Variants in BBS7 observed in about 807,000 individuals in gnomAD.
BBS7 encodes Bardet-Biedl syndrome 7.
A neutral mutation model predicts 90.3 loss-of-function variants in BBS7; 50 were observed. The ratio of observed to expected loss-of-function variants is 0.55; its 90% CI spans 0.44 to 0.70. The LOEUF (loss-of-function observed/expected upper bound fraction) is 0.70, where lower values mean the gene tolerates loss of function less well. BBS7 is among the 30% of genes least tolerant of loss of function. The pLI is 0.00. For missense variants in BBS7, 729 were observed against 838.9 expected, an observed-to-expected ratio of 0.87 and a Z score of 1.62; for synonymous variants, 235 against 287.4, an observed-to-expected ratio of 0.82 and a Z score of 1.85.
chr4:121,855,810 A>G (rs1183933789), intron 5 of BBS7, among the ~76,000 whole-genome samples: 1 of 102,920 alleles, frequency 9.7e-6, no homozygotes. Flanking sequence ...ACAGATATGT[A>G]CACACATGTA....
intron 8 of BBS7, among the ~76,000 whole-genome samples, chr4:121,849,506 A>AT (rs1726195391): frequency 6.6e-6 from 1 of 152,098 alleles, no homozygotes. Context: ...CCGCCAGTTT[A>AT]TTTTTATAAA....
At chr4:121,827,152 T>C (rs943034829) in intron 18 of BBS7, among the ~76,000 whole-genome samples, 2 of 152,254 alleles carry the variant, frequency 1.3e-5, no homozygotes, top group Non-Finnish European at 2.9e-5. Context: ...AGTGATATTA[T>C]GTACAGCCAA....
chr4:121,838,930 T>A (rs1205935415), intron 13 of BBS7, among the ~76,000 whole-genome samples: 1 of 151,360 alleles, frequency 6.6e-6, no homozygotes, highest in Non-Finnish European at 1.5e-5. Flanking sequence ...ATGACTGGAT[T>A]AAACAAGCTG....
chr4:121,869,968 C>A (rs1004510183), intron 1 of BBS7, among the ~76,000 whole-genome samples: 1 of 152,184 alleles, frequency 6.6e-6, no homozygotes, highest in African/African-American at 2.4e-5. Flanking sequence ...CAGGCAGCCA[C>A]GGCTAGGGAG....
Position 121,828,746 on chromosome 4 carries a change from T to G in BBS7, c.1677-18A>C, listed in dbSNP as rs1447884508. On this transcript the variant is annotated intron_variant, in intron 15 of 18. Coordinates refer to ENST00000264499, the MANE Select transcript of BBS7 (RefSeq NM_176824.3). ...CTCCTTTTCTATAAAATTAATATAT[T>G]TTTTAAAAGAATAGCTGTAGAAGGA... The G allele has an allele frequency of 7.2e-7, 1 of 1,394,874 alleles. No homozygotes were observed. The highest frequency in any genetic ancestry group is 2.5e-5 in the East Asian group (1 of 40,258). 86.4% of individuals were successfully genotyped at this position (1,394,874 alleles called of 1,614,324 possible). A position where few individuals can be genotyped will look rare whatever the true frequency, so the allele number is the denominator to read the frequency against.
intron 4 of BBS7, 153 bp downstream of exon 4, chr4:121,861,351 T>C (rs891017093): frequency 1.6e-5 from 11 of 705,714 alleles, no homozygotes; most frequent in Non-Finnish European, 2.3e-5. Flanking sequence ...TTAATATTGA[T>C]TGTAGGTCAA....
At chr4:121,847,569 G>A in intron 9 of BBS7, 63 bp from the exon 10 acceptor site, 6 of 1,152,792 alleles carry the variant, frequency 5.2e-6, no homozygotes, top group Non-Finnish European at 7.9e-6. Flanking sequence ...GATAAATTAT[G>A]CATTGTATAG....
At chr4:121,860,140 G>A (rs1726898435) in intron 4 of BBS7, among the ~76,000 whole-genome samples, 1 of 151,882 alleles carries the variant, frequency 6.6e-6, no homozygotes, top group Admixed American at 6.6e-5. Context: ...TCACTTTGTG[G>A]CTCTGCATAT....
At chr4:121,830,843 T>TA (rs1725145008) in intron 15 of BBS7, among the ~76,000 whole-genome samples, 1 of 152,222 alleles carries the variant, frequency 6.6e-6, no homozygotes, top group African/African-American at 2.4e-5. Flanking sequence ...CCTTGCAGGC[T>TA]ACATACAAAG....
In BBS7 at chr4:121,849,808, G is replaced by A. The variant is rs192121250; in HGVS notation, c.850-880C>T. Among the ~76,000 whole-genome samples, 105 of 152,178 alleles carry A rather than the reference G, an allele frequency of 6.9e-4. 1 individual carries two copies. The highest frequency in any genetic ancestry group is 2.4e-3 in the African/African-American group (101 of 41,520). ...TCGTCCCACTGTACTCCAGTCTGGC[G>A]ACAGAGCGAGACTGTCTAAAAAATA... On this transcript the variant is annotated intron_variant, in intron 8 of 18. Coordinates refer to ENST00000264499, the MANE Select transcript of BBS7 (RefSeq NM_176824.3).
chr4:121,860,325 G>C (rs2149086273), intron 4 of BBS7, among the ~76,000 whole-genome samples: 1 of 152,182 alleles, frequency 6.6e-6, no homozygotes, highest in East Asian at 1.9e-4. Flanking sequence ...CATTAAGCAG[G>C]AAAGGATATG....
At chr4:121,849,254 G>A (rs1342508286) in intron 8 of BBS7, among the ~76,000 whole-genome samples, 4 of 152,174 alleles carry the variant, frequency 2.6e-5, no homozygotes, top group Non-Finnish European at 5.9e-5. Context: ...AGGCTGGAGA[G>A]CAGTGGTGCA....
intron 4 of BBS7, among the ~76,000 whole-genome samples, chr4:121,860,814 T>G (rs1265666891): frequency 1.3e-5 from 2 of 152,140 alleles, no homozygotes; most frequent in African/African-American, 4.8e-5. Context: ...GTTTCTAGCC[T>G]AAGAGTCTGG....
intron 6 of BBS7, 75 bp downstream of exon 6, chr4:121,855,414 T>C: frequency 7.5e-7 from 1 of 1,331,462 alleles, no homozygotes; most frequent in Non-Finnish European, 1.1e-6. Context: ...CTAGTTTATG[T>C]CCTTTCTACA....
chr4:121,867,841 G>A (rs1018779622), intron 2 of BBS7, 140 bp downstream of exon 2: 5 of 768,964 alleles, frequency 6.5e-6, no homozygotes, highest in Non-Finnish European at 8.8e-6. Flanking sequence ...TGGTATTCCA[G>A]TTTCTGTTCA....
At chr4:121,869,441 A>G (rs1727464414) in intron 1 of BBS7, among the ~76,000 whole-genome samples, 2 of 152,218 alleles carry the variant, frequency 1.3e-5, no homozygotes, top group African/African-American at 2.4e-5. Flanking sequence ...ATCCTCATTT[A>G]TAATATTGTC....
intron 15 of BBS7, among the ~76,000 whole-genome samples, chr4:121,832,311 G>A (rs1194838701): frequency 1.3e-5 from 2 of 152,124 alleles, no homozygotes; most frequent in Non-Finnish European, 2.9e-5. Context: ...GACAGAGTGA[G>A]ATCCTGTCTC....
intron 4 of BBS7, among the ~76,000 whole-genome samples, chr4:121,859,469 G>A (rs574471460): frequency 1.3e-5 from 2 of 152,204 alleles, no homozygotes; most frequent in East Asian, 3.9e-4. Context: ...TATATCCAAA[G>A]ACAATTAATA....
chr4:121,844,015 T>C lies in BBS7; in HGVS notation c.1231-14A>G. 6.6e-7 allele frequency: 1 copy of C among 1,519,016 alleles called. No individual in the cohort carries two copies. The highest frequency in any genetic ancestry group is 9.0e-7 in the Non-Finnish European group (1 of 1,110,976). The allele number at this position is 1,519,016 out of a possible 1,614,324, so 94.1% of individuals were successfully genotyped here. ...TGGAACATCACTCTATAGTCAATAT[T>C]AAAAAAAAAGAAGGTTGAGATGGAA... On this transcript the variant is annotated splice_polypyrimidine_tract_variant and intron_variant, in intron 11 of 18. Coordinates refer to ENST00000264499, the MANE Select transcript of BBS7 (RefSeq NM_176824.3).
Sources: gnomAD v4.1 joint callset for allele counts (sites outside exome capture counted in the v4.1 genomes callset) on GRCh38, gnomAD v4.1.1 for gene constraint, MANE v1.5 for transcripts, NCBI Gene and HGNC (gene_info 2026-07-23, HGNC 2026-07-21) for gene names.